Variants in GLI2 observed in about 807,000 individuals in gnomAD.
GLI2 encodes the protein GLI family zinc finger 2.
GLI2 carries 22 observed loss-of-function variants against 78.9 expected under a neutral mutation model. That is an observed-to-expected ratio of 0.28 (90% CI 0.20 to 0.40). The LOEUF is 0.40. Among genes scored for constraint, GLI2 ranks in the 10% least tolerant of loss-of-function variants. The probability of loss-of-function intolerance (pLI) is 1.00; values close to 1 mark genes in which losing one functional copy is unlikely to be tolerated. For missense variants in GLI2, 2,097 were observed against 2,213.2 expected, an observed-to-expected ratio of 0.95 and a Z score of 1.05; for synonymous variants, 974 against 963.7, an observed-to-expected ratio of 1.01 and a Z score of -0.20.
At chr2:120,983,946 G>GGGTGTGTGTGTGTGTGT in intron 11 of GLI2, among the ~76,000 whole-genome samples, 1 of 143,212 alleles carries the variant, frequency 7.0e-6, no homozygotes, top group East Asian at 2.1e-4. Flanking sequence ...TGGTGTGTGG[G>GGGTGTGTGTGTGTGTGT]GTGTGTGTGT....
intron 2 of GLI2, among the ~76,000 whole-genome samples, chr2:120,923,431 G>A (rs1372486780): frequency 2.0e-5 from 3 of 151,622 alleles, no homozygotes; most frequent in African/African-American, 7.3e-5. Flanking sequence ...CAACACACAT[G>A]TATATACACA....
At chr2:120,804,254 G>A (rs1013425770) in intron 2 of GLI2, among the ~76,000 whole-genome samples, 5 of 152,164 alleles carry the variant, frequency 3.3e-5, no homozygotes, top group African/African-American at 9.7e-5. Flanking sequence ...CCATTGGTAC[G>A]TACCTCCAAG....
At chr2:120,806,323 A>G (rs1057426004) in intron 2 of GLI2, among the ~76,000 whole-genome samples, 3 of 152,138 alleles carry the variant, frequency 2.0e-5, no homozygotes, top group Non-Finnish European at 4.4e-5. Context: ...CATCCTACAG[A>G]TGGTCCCGAA....
rs183646193 is a variant in GLI2, at chr2:120,789,213, G to C, written c.-30-8078G>C. On this transcript the variant is annotated intron_variant, in intron 1 of 13. Transcript: ENST00000361492. ...CACCTGGCTGATTTTTAGTAGAGAC[G>C]GGGTTTCATCATGTTGGCCAGGCTG... 4.6e-5 allele frequency among the ~76,000 whole-genome samples: 7 copies of C among 151,756 alleles called. No individual in the cohort carries two copies. The East Asian group carries it at 1.4e-3, about 29-fold the overall frequency.
intron 1 of GLI2, among the ~76,000 whole-genome samples, chr2:120,772,534 C>T (rs894821362): frequency 2.0e-5 from 3 of 152,212 alleles, no homozygotes; most frequent in Non-Finnish European, 4.4e-5. Flanking sequence ...CCCCGGCTGC[C>T]CACTCCTGGC....
intron 3 of GLI2, among the ~76,000 whole-genome samples, chr2:120,945,957 T>TCACACACACACACACACACA (rs3223143): frequency 0.039 from 5,202 of 134,154 alleles, 184 homozygotes; most frequent in South Asian, 0.065. Flanking sequence ...CATAACCTTC[T>TCACACACACACACACACACA]CACACACACA....
intron 1 of GLI2, among the ~76,000 whole-genome samples, chr2:120,762,697 C>T (rs1683250356): frequency 6.6e-6 from 1 of 152,166 alleles, no homozygotes; most frequent in Admixed American, 6.5e-5. Context: ...CAGCACCAGC[C>T]CCCAGGCCCT....
intron 2 of GLI2, among the ~76,000 whole-genome samples, chr2:120,892,532 A>AT (rs1259774484): frequency 2.0e-5 from 3 of 152,170 alleles, no homozygotes; most frequent in African/African-American, 7.2e-5. Context: ...AGGAGCCATC[A>AT]TGCTCTGCCT....
At chr2:120,902,343 A>C (rs1166772607) in intron 2 of GLI2, among the ~76,000 whole-genome samples, 1 of 152,128 alleles carries the variant, frequency 6.6e-6, no homozygotes, top group Non-Finnish European at 1.5e-5. Flanking sequence ...GTGAGAGAAG[A>C]AGCAATGGTG....
At chr2:120,773,327 A>C (rs193093338) in intron 1 of GLI2, among the ~76,000 whole-genome samples, 109 of 151,910 alleles carry the variant, frequency 7.2e-4, no homozygotes, top group African/African-American at 2.5e-3. Flanking sequence ...GCATTCTGAG[A>C]CTCTGCTTTT....
At chr2:120,953,053 A>G (rs1324019318) in intron 4 of GLI2, among the ~76,000 whole-genome samples, 2 of 152,244 alleles carry the variant, frequency 1.3e-5, no homozygotes, top group Admixed American at 1.3e-4. Context: ...GTGCCCCCCA[A>G]AACACAGGTC....
chr2:120,873,497 C>G (rs1216269368), intron 2 of GLI2, among the ~76,000 whole-genome samples: 1 of 152,202 alleles, frequency 6.6e-6, no homozygotes, highest in Non-Finnish European at 1.5e-5. Flanking sequence ...CCTAGCTTTT[C>G]CGCCTTGGGT....
In GLI2 at chr2:120,982,771, G is replaced by A. The variant is rs1335900744; in HGVS notation, c.1523G>A (p.Arg508Gln). Residue 508 changes from arginine (R) to glutamine (Q), a missense_variant, in exon 11 of 14, where the codon CGG becomes CAG. Around this residue, in one of 5 missense-constraint regions of GLI2, gnomAD observed 104 missense variants for 190.6 expected, o/e 0.55. Coordinates refer to ENST00000361492, the MANE Select transcript of GLI2 (RefSeq NM_001374353.1). ...SRLENLKTHL[R>Q]SHTGEKPYVC... ...CTGGAGAACCTGAAGACACACCTGC[G>A]GTCCCACACCGGGGAGAAGCCATAT... The A allele has an allele frequency of 6.2e-7, 1 of 1,614,024 alleles. No homozygotes were observed. The highest frequency in any genetic ancestry group is 8.5e-7 in the Non-Finnish European group (1 of 1,179,928).
At chr2:120,899,616 C>T (rs545389799) in intron 2 of GLI2, among the ~76,000 whole-genome samples, 2 of 152,262 alleles carry the variant, frequency 1.3e-5, no homozygotes, top group East Asian at 1.9e-4. Flanking sequence ...TGACTGTGGG[C>T]GTCACAGCAG....
At chr2:120,759,560 G>A (rs1225588457) in intron 1 of GLI2, among the ~76,000 whole-genome samples, 1 of 151,890 alleles carries the variant, frequency 6.6e-6, no homozygotes, top group Non-Finnish European at 1.5e-5. Context: ...GTGAGGCATG[G>A]GGGGTGGTGC....
intron 2 of GLI2, among the ~76,000 whole-genome samples, chr2:120,880,808 G>A (rs1315441853): frequency 6.6e-6 from 1 of 152,200 alleles, no homozygotes; most frequent in African/African-American, 2.4e-5. Context: ...ATGTTGGTAT[G>A]TGAGGTGAAA....
chr2:120,779,211 G>C (rs1422546726), intron 1 of GLI2, among the ~76,000 whole-genome samples: 1 of 152,188 alleles, frequency 6.6e-6, no homozygotes, highest in African/African-American at 2.4e-5. Context: ...TACAGATCAG[G>C]AAACTGTGGC....
chr2:120,848,312 A>G (rs1268308159), intron 2 of GLI2, among the ~76,000 whole-genome samples: 1 of 152,156 alleles, frequency 6.6e-6, no homozygotes, highest in African/African-American at 2.4e-5. Flanking sequence ...TCCTCCATTA[A>G]GAGCTCCTTG....
At chr2:120,966,741 G>T (rs949210683) in intron 5 of GLI2, among the ~76,000 whole-genome samples, 6 of 152,216 alleles carry the variant, frequency 3.9e-5, no homozygotes, top group Admixed American at 6.5e-5. Context: ...TCAGTAGGTG[G>T]GTGCGGGCTC....
Sources: gnomAD v4.1 joint callset for allele counts (sites outside exome capture counted in the v4.1 genomes callset) on GRCh38, gnomAD v4.1.1 for gene constraint, gnomAD v4.1.1 regional missense constraint, MANE v1.5 for transcripts, NCBI Gene and HGNC (gene_info 2026-07-23, HGNC 2026-07-21) for gene names.